FOXN4: variants seen among roughly 807,000 people sequenced by gnomAD.
FOXN4 encodes the protein forkhead box N4.
In FOXN4, 12 loss-of-function variants were observed where a neutral mutation model predicts 45.0. The ratio of observed to expected loss-of-function variants is 0.27; its 90% confidence interval spans 0.17 to 0.43. FOXN4 has a LOEUF of 0.43. Ranked by LOEUF, FOXN4 falls within the 20% of genes least tolerant of loss-of-function variation. The pLI, the probability that FOXN4 is intolerant of heterozygous loss-of-function variation, is 1.00. For synonymous variants in FOXN4, 297 were observed against 295.0 expected (o/e 1.01, Z -0.07); for missense variants, 560 against 694.9 (o/e 0.81, Z 2.18).
At chr12:109,301,337 T>A (rs953368647) in intron 2 of FOXN4, among the ~76,000 whole-genome samples, 6 of 152,184 alleles carry the variant, frequency 3.9e-5, no homozygotes, top group African/African-American at 1.4e-4. Context: ...ACTGGAGAAC[T>A]GTTTGTGGAA....
chr12:109,290,512 A>G lies in FOXN4; in HGVS notation c.87-226T>C, dbSNP rs567395603. Among the ~76,000 whole-genome samples the G allele has an allele frequency of 6.6e-6, 1 of 152,302 alleles. No homozygotes were observed. The highest frequency in any genetic ancestry group is 6.5e-5 in the Admixed American group (1 of 15,286). The stretch of plus-strand genomic sequence containing the variant: ...ATTCCTTCCTTAGCCCACTTAACGC[A>G]TCCTACTTAGCACCTACCACATAAA... On this transcript the variant is annotated intron_variant, in intron 2 of 9. Transcript: ENST00000299162. This position sits in a 1 kb window ranked among gnomAD's most constrained non-coding sequence, Gnocchi z 5.1.
intron 2 of FOXN4, among the ~76,000 whole-genome samples, chr12:109,301,843 C>G (rs2047871763): frequency 6.6e-6 from 1 of 152,230 alleles, no homozygotes; most frequent in Non-Finnish European, 1.5e-5. Flanking sequence ...TACATACTCT[C>G]AAGTATGAAA....
intron 2 of FOXN4, among the ~76,000 whole-genome samples, chr12:109,301,486 C>G (rs922564660): frequency 3.3e-5 from 5 of 152,338 alleles, no homozygotes; most frequent in Non-Finnish European, 5.9e-5. Flanking sequence ...CCCCACCTCT[C>G]TCCTTCCATC....
rs956842251 is a variant in FOXN4 at position 109,288,530 on chromosome 12, T to A, written c.233-350A>T. Among the ~76,000 whole-genome samples, 2 of 152,198 alleles carry A rather than the reference T, an allele frequency of 1.3e-5. No homozygotes were observed. The highest frequency in any genetic ancestry group is 4.8e-5 in the African/African-American group (2 of 41,430). On this transcript the variant is annotated intron_variant, in intron 3 of 9. Transcript: ENST00000299162. This position sits in a 1 kb window ranked among gnomAD's most constrained non-coding sequence, Gnocchi z 4.3. Reference sequence around the variant, plus strand: ...ACATGAGTCAATAATAAATGATAATTGATTATGTCCTTCATGAAGCTAAAA... The same window carrying A: ...ACATGAGTCAATAATAAATGATAATAGATTATGTCCTTCATGAAGCTAAAA...
chr12:109,286,955 T>C (rs1565999409), intron 6 of FOXN4: 21 of 1,268,660 alleles, frequency 1.7e-5, no homozygotes, highest in Non-Finnish European at 2.2e-5. Flanking sequence ...GGCACAACAA[T>C]TGGTACTGAC....
intron 2 of FOXN4, among the ~76,000 whole-genome samples, chr12:109,301,826 C>G (rs2047871513): frequency 6.6e-6 from 1 of 152,222 alleles, no homozygotes; most frequent in Non-Finnish European, 1.5e-5. Flanking sequence ...GCCCTGTGGG[C>G]ATCTATTACA....
rs2047757287 is a variant in FOXN4, at chr12:109,290,471, A to G, written c.87-185T>C. 6.6e-6 allele frequency among the ~76,000 whole-genome samples: 1 copy of G among 152,124 alleles called. No homozygotes were observed. The highest frequency in any genetic ancestry group is 1.9e-4 in the East Asian group (1 of 5,200). On this transcript the variant is annotated intron_variant, in intron 2 of 9. Transcript: ENST00000299162. This position sits in a 1 kb window ranked among gnomAD's most constrained non-coding sequence, Gnocchi z 5.1. ...GTCCCAGATCCCTTTCGGCAGCCAG[A>G]TCTTTCATCCTCATCATTCCTTCCT...
At chr12:109,279,996 A>T (rs1181372902) in intron 9 of FOXN4, 66 bp from the exon 10 acceptor site, 1 of 1,594,546 alleles carries the variant, frequency 6.3e-7, no homozygotes, top group African/African-American at 1.3e-5. Context: ...CGAATCCCCC[A>T]TCTTAGGGAA....
In FOXN4 at chr12:109,281,672, G is replaced by C; in HGVS notation, c.1029C>G (p.Val343=). Residue 343 remains valine, a synonymous_variant, in exon 9 of 10, where the codon GTC becomes GTG. Coordinates refer to ENST00000299162, the MANE Select transcript of FOXN4 (RefSeq NM_213596.3). The part of the protein sequence containing the change: ...TVAVAHGCLA[V]SQLPPQPLMT... ...TCAGTGGCTGGGGTGGGAGCTGGGA[G>C]ACAGCCAGGCAGCCATGCGCCACGG... 6.2e-7 allele frequency: 1 copy of C among 1,610,146 alleles called. No individual in the cohort carries two copies.
chr12:109,298,719 T>C (rs963807551), intron 2 of FOXN4, among the ~76,000 whole-genome samples: 5 of 152,156 alleles, frequency 3.3e-5, no homozygotes, highest in Non-Finnish European at 1.5e-5. Flanking sequence ...AACCTGCAGG[T>C]GAACCCCCTG....
intron 2 of FOXN4, among the ~76,000 whole-genome samples, chr12:109,305,362 C>T (rs1224875930): frequency 6.7e-6 from 1 of 149,546 alleles, no homozygotes; most frequent in Non-Finnish European, 1.5e-5. Flanking sequence ...AAGAAACCAC[C>T]AGCTGCTATT....
intron 2 of FOXN4, among the ~76,000 whole-genome samples, chr12:109,295,624 A>G (rs1353981351): frequency 6.6e-6 from 1 of 152,252 alleles, no homozygotes; most frequent in Non-Finnish European, 1.5e-5. Flanking sequence ...TGTCTCTACT[A>G]AAAATACAAA....
At chr12:109,284,339 G>A (rs1340865279) in intron 8 of FOXN4, among the ~76,000 whole-genome samples, 4 of 152,242 alleles carry the variant, frequency 2.6e-5, no homozygotes, top group African/African-American at 7.2e-5. Flanking sequence ...TTTGCCAGAC[G>A]CCTGTCTTCC....
At position 109,290,031 on chromosome 12, in the gene FOXN4, A is replaced by G; in HGVS notation, c.232+110T>C. The G allele has an allele frequency of 7.7e-7, 1 of 1,300,270 alleles. No individual in the cohort carries two copies. The highest frequency in any genetic ancestry group is 1.0e-6 in the Non-Finnish European group (1 of 976,238). The allele number at this position is 1,300,270 out of a possible 1,614,324, so 80.5% of individuals were successfully genotyped here. A position where few individuals can be genotyped will look rare whatever the true frequency, so the allele number is the denominator to read the frequency against. On this transcript the variant is annotated intron_variant, in intron 3 of 9. Transcript: ENST00000299162. The surrounding 1 kb of genome is among the most constrained non-coding windows in gnomAD (Gnocchi z 5.1). ...TTTACAGATGCAGAAAGAGAGGCCC[A>G]GAGAGACTGGGAGACCGGGTCATGG...
At chr12:109,286,833 C>G (rs1269196718) in intron 6 of FOXN4, 89 bp from the exon 7 acceptor site, 2 of 1,486,024 alleles carry the variant, frequency 1.3e-6, no homozygotes, top group African/African-American at 2.8e-5. Context: ...CCAATGCCGC[C>G]TCTGCCAGGA....
At chr12:109,304,271 GA>G (rs1257147262) in intron 2 of FOXN4, among the ~76,000 whole-genome samples, 2 of 81,776 alleles carry the variant, frequency 2.4e-5, no homozygotes, top group African/African-American at 5.1e-5. Context: ...AAGAAAGAAA[GA>G]AAGAAAGAAA....
chr12:109,279,326 G>A lies in FOXN4; in HGVS notation c.*345C>T, dbSNP rs937428982. On this transcript the variant is annotated 3_prime_UTR_variant, in exon 10 of 10. Transcript: ENST00000299162. Reference sequence around the variant, plus strand: ...GGGTGCAGGTCACTGAGGTCACGCAGCCAGGATCCAGGATGGAGAAGTCTC... The same window carrying A: ...GGGTGCAGGTCACTGAGGTCACGCAACCAGGATCCAGGATGGAGAAGTCTC... 6 of 355,188 alleles carry A rather than the reference G, an allele frequency of 1.7e-5. No homozygotes were observed. The highest frequency in any genetic ancestry group is 1.2e-4 in the African/African-American group (6 of 48,646). The allele number at this position is 355,188 out of a possible 1,614,324, so 22.0% of individuals were successfully genotyped here. A position where few individuals can be genotyped will look rare whatever the true frequency, so the allele number is the denominator to read the frequency against.
chr12:109,291,438 T>G lies in FOXN4; in HGVS notation c.87-1152A>C, dbSNP rs925678645. 1.3e-5 allele frequency among the ~76,000 whole-genome samples: 2 copies of G among 151,904 alleles called. No individual in the cohort carries two copies. The highest frequency in any genetic ancestry group is 4.8e-5 in the African/African-American group (2 of 41,362). ...GTTCCATGTTTCAAAAATAGCCTCA[T>G]AGATTGAGGGGCAGAGAGAGGCGGG... On this transcript the variant is annotated intron_variant, in intron 2 of 9. Coordinates refer to ENST00000299162, the MANE Select transcript of FOXN4 (RefSeq NM_213596.3). This position sits in a 1 kb window ranked among gnomAD's most constrained non-coding sequence, Gnocchi z 6.6.
At chr12:109,306,574 T>C in intron 2 of FOXN4, among the ~76,000 whole-genome samples, 1 of 152,198 alleles carries the variant, frequency 6.6e-6, no homozygotes, top group East Asian at 1.9e-4. Flanking sequence ...GTCAGGTGCC[T>C]TCATAGATAA....
Sources: gnomAD v4.1 joint callset for allele counts (sites outside exome capture counted in the v4.1 genomes callset) on GRCh38, gnomAD v4.1.1 for gene constraint, Gnocchi (gnomAD v3.1) non-coding constraint, MANE v1.5 for transcripts, NCBI Gene and HGNC (gene_info 2026-07-23, HGNC 2026-07-21) for gene names.